Variants in STK3 observed in about 807,000 individuals in gnomAD.
STK3 encodes the protein serine/threonine kinase 3.
A neutral mutation model predicts 58.0 loss-of-function variants in STK3; 41 were observed. The ratio of observed to expected loss-of-function variants is 0.71; its 90% CI spans 0.55 to 0.92. STK3 has a LOEUF of 0.92. STK3 is among the 40% of genes least tolerant of loss of function. STK3 has a pLI of 0.00. For synonymous variants in STK3, 170 were observed against 191.0 expected (o/e 0.89, Z 0.91); for missense variants, 479 against 602.7 (o/e 0.79, Z 2.15).
intron 1 of STK3, among the ~76,000 whole-genome samples, chr8:98,821,953 C>G (rs915466457): frequency 1.3e-5 from 2 of 152,156 alleles, no homozygotes; most frequent in African/African-American, 2.4e-5. Context: ...CCCAAAGAAG[C>G]AAATTTCAAA....
intron 3 of STK3, among the ~76,000 whole-genome samples, chr8:98,433,702 T>G (rs957715037): frequency 1.3e-5 from 2 of 152,214 alleles, no homozygotes; most frequent in African/African-American, 4.8e-5. Context: ...GATCCTGATA[T>G]CCCTAATTTA....
chr8:98,498,186 T>A (rs1009593815), intron 10 of STK3, among the ~76,000 whole-genome samples: 1 of 152,112 alleles, frequency 6.6e-6, no homozygotes, highest in Admixed American at 6.6e-5. Context: ...CTTTTCTGTC[T>A]TTAAATCCTG....
Position 98,800,265 on chromosome 8 carries a change from G to C in STK3, c.26+25250C>G, listed in dbSNP as rs1002474193. ...CTACCGAGGACCCCTGGACCGACCT[G>C]CTGGCACTTTCAATGGCCTAGAGAG... On this transcript the variant is annotated intron_variant, in intron 1 of 10. Transcript: ENST00000419617. The surrounding 1 kb of genome is among the most constrained non-coding windows in gnomAD (Gnocchi z 4.8). 3.3e-5 allele frequency among the ~76,000 whole-genome samples: 5 copies of C among 152,180 alleles called. No homozygotes were observed. Among genetic ancestry groups the C allele is most frequent in the Admixed American group, 1.3e-4 (2 of 15,286 alleles).
At chr8:98,699,716 T>C (rs1825368815) in intron 6 of STK3, among the ~76,000 whole-genome samples, 1 of 152,218 alleles carries the variant, frequency 6.6e-6, no homozygotes, top group African/African-American at 2.4e-5. Context: ...TGATCGTTCC[T>C]CTGGAAGTTT....
chr8:98,639,983 T>C (rs757939684), intron 6 of STK3, among the ~76,000 whole-genome samples: 1 of 152,146 alleles, frequency 6.6e-6, no homozygotes, highest in Non-Finnish European at 1.5e-5. Flanking sequence ...TGGTGGTGTA[T>C]GCCTGCAATC....
rs145110846 is a variant in STK3, at chr8:98,639,907, T to G, written c.685-43738A>C. ...AGATGGATCACCTGAGGTCAGGAGT[T>G]CAAGACTAGCCTGGCCAACATGGTG... On this transcript the variant is annotated intron_variant, in intron 6 of 10. Coordinates refer to ENST00000419617, the MANE Select transcript of STK3 (RefSeq NM_006281.4). 5.6e-3 allele frequency among the ~76,000 whole-genome samples: 850 copies of G among 152,146 alleles called. 8 individuals carry two copies. Among genetic ancestry groups the G allele is most frequent in the African/African-American group, 0.019 (788 of 41,506 alleles).
intron 6 of STK3, among the ~76,000 whole-genome samples, chr8:98,699,228 C>T (rs1825303581): frequency 6.6e-6 from 1 of 152,072 alleles, no homozygotes; most frequent in Non-Finnish European, 1.5e-5. Flanking sequence ...CCTTTAAGCA[C>T]TTCTCTGTAT....
At chr8:98,647,431 C>A (rs1269779640) in intron 6 of STK3, among the ~76,000 whole-genome samples, 1 of 152,100 alleles carries the variant, frequency 6.6e-6, no homozygotes, top group Non-Finnish European at 1.5e-5. Context: ...AGGATGTAAT[C>A]TCTGATATAT....
chr8:98,707,779 T>G (rs1019123326), intron 4 of STK3, among the ~76,000 whole-genome samples: 41 of 152,194 alleles, frequency 2.7e-4, no homozygotes, highest in African/African-American at 9.6e-4. Flanking sequence ...AACCTCTTCT[T>G]CCCACAATAA....
At chr8:98,828,613 AGAGG>A (rs1048858737), upstream of STK3, among the ~76,000 whole-genome samples, 56 of 151,898 alleles carry the variant, frequency 3.7e-4, no homozygotes, top group East Asian at 1.7e-3. Context: ...AAAGAGAGAG[AGAGG>A]GAGGGAGGGA....
chr8:98,923,871 G>A (rs1051877140), intron 1 of STK3, among the ~76,000 whole-genome samples: 4 of 148,300 alleles, frequency 2.7e-5, no homozygotes, highest in Admixed American at 6.7e-5. Context: ...GCGCGCGCGC[G>A]CGCGCGTTGA....
intron 5 of STK3, 143 bp downstream of exon 5, chr8:98,707,004 G>T (rs2131071721): frequency 2.7e-6 from 2 of 744,100 alleles, no homozygotes; most frequent in African/African-American, 1.8e-5. Flanking sequence ...ACTCAAATTT[G>T]GCTCAATTAT....
At chr8:98,344,305 C>T in the STK3 span, among the ~76,000 whole-genome samples, 23 of 152,354 alleles carry the variant, frequency 1.5e-4, no homozygotes, top group Non-Finnish European at 1.9e-4. Flanking sequence ...TGCAGTCCTC[C>T]TCACCTGGAA....
intron 6 of STK3, among the ~76,000 whole-genome samples, chr8:98,617,394 T>G (rs1817844482): frequency 7.4e-6 from 1 of 135,000 alleles, no homozygotes; most frequent in South Asian, 2.8e-4. Context: ...AACATCACAA[T>G]TAAAAGAACT....
chr8:98,581,117 C>T (rs1813845376), intron 7 of STK3, among the ~76,000 whole-genome samples: 1 of 152,322 alleles, frequency 6.6e-6, no homozygotes, highest in South Asian at 2.1e-4. Flanking sequence ...TTAACCCATT[C>T]AGGTGGTTAT....
intron 6 of STK3, among the ~76,000 whole-genome samples, chr8:98,634,306 G>C (rs759310057): frequency 7.2e-5 from 11 of 152,072 alleles, no homozygotes; most frequent in Non-Finnish European, 1.2e-4. Context: ...GGGCAACATG[G>C]TGAAACCCTG....
chr8:98,903,627 A>C lies in STK3; in HGVS notation c.-78-19793T>G, dbSNP rs543659794. ...AGTGCAGTGACACAATAGCAGCCCA[A>C]CTGCTGGGTTCAAGTGATCCTCTAG... On this transcript the variant is annotated intron_variant, in intron 1 of 1. Transcript: ENST00000519420. Among the ~76,000 whole-genome samples the C allele has an allele frequency of 7.3e-5, 11 of 150,606 alleles. No individual in the cohort carries two copies. In the East Asian group the frequency reaches 2.1e-3, roughly 29 times the overall value.
At position 98,692,678 on chromosome 8, in the gene STK3, C is replaced by T. The variant is rs1824499842; in HGVS notation, c.684+13789G>A. On this transcript the variant is annotated intron_variant, in intron 6 of 10. Transcript: ENST00000419617. ...ACAATAATGTAAATGTACTTTATGGCAATGAATTGTATAGAGTACTTTAAA... is the reference window on the plus strand; with the variant it reads ...ACAATAATGTAAATGTACTTTATGGTAATGAATTGTATAGAGTACTTTAAA... Among the ~76,000 whole-genome samples, 2 of 151,766 alleles carry T rather than the reference C, an allele frequency of 1.3e-5. 1 individual carries two copies. The highest frequency in any genetic ancestry group is 4.2e-4 in the South Asian group (2 of 4,810).
At chr8:98,377,840 T>C (rs1395563840) in intron 2 of STK3, among the ~76,000 whole-genome samples, 5 of 152,132 alleles carry the variant, frequency 3.3e-5, no homozygotes, top group Non-Finnish European at 5.9e-5. Context: ...AGTCGAGGCT[T>C]TGCAGAATGT....
Sources: allele counts gnomAD v4.1 joint callset (sites outside exome capture counted in the v4.1 genomes callset), GRCh38; gene constraint gnomAD v4.1.1; non-coding constraint Gnocchi (gnomAD v3.1); transcripts MANE v1.5; gene names NCBI Gene and HGNC (gene_info 2026-07-23, HGNC 2026-07-21).